Variants in PRMT8 observed in about 807,000 individuals in gnomAD.
PRMT8 encodes the protein protein arginine methyltransferase 8, also known as protein arginine N-methyltransferase 8.
PRMT8 carries 7 observed loss-of-function variants against 47.1 expected under a neutral mutation model. The observed-to-expected ratio is 0.15, with a 90% CI of 0.08 to 0.28. The LOEUF (loss-of-function observed/expected upper bound fraction) is 0.28, where lower values mean the gene tolerates loss of function less well. PRMT8 is among the 10% of genes least tolerant of loss of function. The probability of loss-of-function intolerance (pLI) is 1.00; values close to 1 mark genes in which losing one functional copy is unlikely to be tolerated. For missense variants in PRMT8, 237 were observed against 505.4 expected, an observed-to-expected ratio of 0.47 and a Z score of 5.09; for synonymous variants, 188 against 186.5, an observed-to-expected ratio of 1.01 and a Z score of -0.07.
At chr12:3,406,614 G>A (rs1864375124) in intron 1 of PRMT8, among the ~76,000 whole-genome samples, 1 of 152,150 alleles carries the variant, frequency 6.6e-6, no homozygotes, top group African/African-American at 2.4e-5. Context: ...CAGCCTCTTT[G>A]CTAAAATGTA....
At chr12:3,461,324 AG>A (rs1171975825) in intron 1 of PRMT8, among the ~76,000 whole-genome samples, 1 of 152,210 alleles carries the variant, frequency 6.6e-6, no homozygotes, top group Non-Finnish European at 1.5e-5. Flanking sequence ...GGAATGGAGA[AG>A]AGATGGAAAA....
At chr12:3,524,361 A>C (rs1865921984) in intron 1 of PRMT8, among the ~76,000 whole-genome samples, 1 of 152,194 alleles carries the variant, frequency 6.6e-6, no homozygotes, top group Non-Finnish European at 1.5e-5. Flanking sequence ...TTAGGTCAGC[A>C]AACTACAGAA....
At chr12:3,575,050 G>T (rs1866913627) in intron 6 of PRMT8, among the ~76,000 whole-genome samples, 1 of 152,202 alleles carries the variant, frequency 6.6e-6, no homozygotes, top group Admixed American at 6.5e-5. Context: ...CCACGAAGTA[G>T]GTTTTAATTG....
intron 1 of PRMT8, among the ~76,000 whole-genome samples, chr12:3,387,627 T>C (rs549230225): frequency 6.6e-6 from 1 of 152,302 alleles, no homozygotes; most frequent in South Asian, 2.1e-4. Context: ...ATTAACTATT[T>C]ATCGAATGCT....
intron 4 of PRMT8, among the ~76,000 whole-genome samples, chr12:3,560,511 C>A (rs1309983203): frequency 6.6e-6 from 1 of 152,176 alleles, no homozygotes. Flanking sequence ...TTATTTCCTC[C>A]CCATCTGATG....
chr12:3,505,912 G>A (rs953683820), intron 1 of PRMT8, among the ~76,000 whole-genome samples: 6 of 152,178 alleles, frequency 3.9e-5, no homozygotes, highest in African/African-American at 1.2e-4. Context: ...TCTTCCTAGC[G>A]GTTTTGCTTT....
chr12:3,589,496 T>C (rs1173841607), intron 8 of PRMT8, among the ~76,000 whole-genome samples: 1 of 152,210 alleles, frequency 6.6e-6, no homozygotes, highest in African/African-American at 2.4e-5. Flanking sequence ...TGCACTGCGA[T>C]TCAGCCATGG....
intron 4 of PRMT8, among the ~76,000 whole-genome samples, chr12:3,565,235 A>G (rs1866699801): frequency 3.3e-5 from 5 of 152,194 alleles, no homozygotes; most frequent in Non-Finnish European, 5.9e-5. Flanking sequence ...CTGGCACTGC[A>G]AAGAATTTCA....
intron 1 of PRMT8, among the ~76,000 whole-genome samples, chr12:3,445,520 C>T (rs941168779): frequency 2.0e-5 from 3 of 152,140 alleles, no homozygotes; most frequent in Non-Finnish European, 4.4e-5. Context: ...AAACAGCAAT[C>T]GTTACTACTG....
Position 3,564,938 on chromosome 12 carries a change from T to C in PRMT8, c.482-3768T>C, listed in dbSNP as rs1052279759. 1.3e-5 allele frequency among the ~76,000 whole-genome samples: 2 copies of C among 152,216 alleles called. No homozygotes were observed. The highest frequency in any genetic ancestry group is 2.4e-5 in the African/African-American group (1 of 41,456). On this transcript the variant is annotated intron_variant, in intron 4 of 9. Transcript: ENST00000382622. The surrounding 1 kb of genome is among the most constrained non-coding windows in gnomAD (Gnocchi z 4.0). ...ACCATGACAGGTAGCATTTTGTAGATTGGAAAATTGAATCTGGAAGTTTAA... is the reference window on the plus strand; with the variant it reads ...ACCATGACAGGTAGCATTTTGTAGACTGGAAAATTGAATCTGGAAGTTTAA...
intron 8 of PRMT8, among the ~76,000 whole-genome samples, chr12:3,588,091 G>A (rs935643475): frequency 2.0e-5 from 3 of 152,166 alleles, no homozygotes; most frequent in African/African-American, 7.2e-5. Context: ...GCAGGCCTGG[G>A]TGCAAGCCCT....
At chr12:3,482,254 GGAA>G (rs927839522) in intron 1 of PRMT8, among the ~76,000 whole-genome samples, 4 of 152,140 alleles carry the variant, frequency 2.6e-5, no homozygotes, top group Admixed American at 6.5e-5. Flanking sequence ...GAAGGCGAAA[GGAA>G]GAAAAGAAAA....
At chr12:3,467,067 G>A (rs371782874) in intron 1 of PRMT8, among the ~76,000 whole-genome samples, 3 of 151,698 alleles carry the variant, frequency 2.0e-5, no homozygotes, top group Admixed American at 6.6e-5. Context: ...GGGAAACCCC[G>A]TCTCTACTAA....
intron 6 of PRMT8, among the ~76,000 whole-genome samples, chr12:3,573,283 GTCT>G (rs1379433203): frequency 1.3e-5 from 2 of 152,016 alleles, no homozygotes; most frequent in Admixed American, 1.3e-4. Flanking sequence ...ATTTTAAAAA[GTCT>G]TCTTTCCTTA....
At chr12:3,470,877 A>C (rs1865154910) in intron 1 of PRMT8, among the ~76,000 whole-genome samples, 1 of 152,174 alleles carries the variant, frequency 6.6e-6, no homozygotes, top group Non-Finnish European at 1.5e-5. Context: ...TTGTAAAGTA[A>C]GTATTTTGGA....
intron 7 of PRMT8, among the ~76,000 whole-genome samples, chr12:3,582,588 C>G (rs1439198950): frequency 1.3e-5 from 2 of 152,168 alleles, no homozygotes; most frequent in Non-Finnish European, 2.9e-5. Flanking sequence ...ACACAGATTG[C>G]TGTTTTGGTC....
intron 4 of PRMT8, among the ~76,000 whole-genome samples, chr12:3,565,065 TA>T (rs1319126431): frequency 6.6e-6 from 1 of 152,074 alleles, no homozygotes; most frequent in Non-Finnish European, 1.5e-5. Flanking sequence ...CTCTTAAAAA[TA>T]AAAAATAAAA....
chr12:3,381,404 C>G (rs2137040865), exon 1 of PRMT8: 1 of 1,536,118 alleles, frequency 6.5e-7, no homozygotes, highest in African/African-American at 1.4e-5. Context: ...AATGGAGTCT[C>G]TGGCTTCAGA....
intron 2 of PRMT8, 132 bp downstream of exon 2, chr12:3,540,923 A>C: frequency 9.0e-7 from 1 of 1,108,376 alleles, no homozygotes. Context: ...GAGTCCTCTG[A>C]CCCTTTCTCC....
Sources: allele counts gnomAD v4.1 joint callset (sites outside exome capture counted in the v4.1 genomes callset), GRCh38; gene constraint gnomAD v4.1.1; non-coding constraint Gnocchi (gnomAD v3.1); transcripts MANE v1.5; gene names NCBI Gene and HGNC (gene_info 2026-07-23, HGNC 2026-07-21).